The following PCDH15 variants were observed in gnomAD, a reference collection of about 807,000 sequenced individuals.
PCDH15 encodes protocadherin-15.
PCDH15 carries 129 observed loss-of-function variants against 178.5 expected under a neutral mutation model. The observed-to-expected ratio is 0.72, with a 90% CI of 0.63 to 0.84. The LOEUF (loss-of-function observed/expected upper bound fraction) is 0.84. Ranked by LOEUF, PCDH15 falls within the 40% of genes least tolerant of loss-of-function variation. The probability of loss-of-function intolerance (pLI) is 0.00; values close to 1 mark genes in which losing one functional copy is unlikely to be tolerated. For missense variants in PCDH15, 2,230 were observed against 2,099.9 expected (o/e 1.06, Z -1.21); for synonymous variants, 800 against 732.0 (o/e 1.09, Z -1.50).
chr10:53,945,837 G>GTATATATATATA (rs56389905), intron 23 of PCDH15, among the ~76,000 whole-genome samples: 17 of 119,432 alleles, frequency 1.4e-4, no homozygotes, highest in Non-Finnish European at 2.1e-4. Context: ...ATATTTCATT[G>GTATATATATATA]TATATATATA....
chr10:55,101,500 T>G (rs1163757334), intron 2 of PCDH15, among the ~76,000 whole-genome samples: 1 of 151,972 alleles, frequency 6.6e-6, no homozygotes, highest in African/African-American at 2.4e-5. Context: ...ATTCTCAGTC[T>G]GGGCTACAAA....
intron 3 of PCDH15, among the ~76,000 whole-genome samples, chr10:54,810,510 A>G (rs1437199535): frequency 2.0e-5 from 3 of 152,082 alleles, no homozygotes; most frequent in Admixed American, 6.5e-5. Flanking sequence ...ACAAATTGGG[A>G]AAAAAACACA....
chr10:54,793,815 A>G (rs946772238), intron 1 of PCDH15, among the ~76,000 whole-genome samples: 3 of 149,292 alleles, frequency 2.0e-5, no homozygotes, highest in African/African-American at 7.3e-5. Context: ...AAATAGCGTA[A>G]TAGGAAGAAA....
At chr10:54,909,332 G>A (rs1954779555) in intron 2 of PCDH15, among the ~76,000 whole-genome samples, 1 of 152,102 alleles carries the variant, frequency 6.6e-6, no homozygotes. Context: ...TTAATGCCAA[G>A]GGGTGCCTGC....
intron 3 of PCDH15, among the ~76,000 whole-genome samples, chr10:54,398,928 T>C (rs1175561983): frequency 6.6e-6 from 1 of 152,100 alleles, no homozygotes; most frequent in Non-Finnish European, 1.5e-5. Context: ...ATGGCCGACA[T>C]CAAACATATT....
chr10:54,675,854 T>C (rs2094778562), intron 1 of PCDH15, among the ~76,000 whole-genome samples: 1 of 152,290 alleles, frequency 6.6e-6, no homozygotes, highest in Non-Finnish European at 1.5e-5. Context: ...CAGATTAGCA[T>C]TGATGTTTTG....
intron 2 of PCDH15, among the ~76,000 whole-genome samples, chr10:55,077,371 T>A (rs1841922273): frequency 6.6e-6 from 1 of 151,742 alleles, no homozygotes; most frequent in South Asian, 2.1e-4. Flanking sequence ...TCTTATTTTT[T>A]TGTCCCTATG....
chr10:54,408,465 A>T (rs768796091), intron 3 of PCDH15, among the ~76,000 whole-genome samples: 41 of 148,302 alleles, frequency 2.8e-4, no homozygotes, highest in African/African-American at 9.9e-4. Flanking sequence ...ATCAGTCCAA[A>T]GTGATTTGAA....
intron 26 of PCDH15, among the ~76,000 whole-genome samples, chr10:53,884,907 A>T (rs573698160): frequency 3.3e-5 from 5 of 151,354 alleles, no homozygotes; most frequent in Admixed American, 6.5e-5. Context: ...CCTAATTTTC[A>T]TGATGATTAC....
At chr10:54,409,531 T>C (rs1953173938) in intron 3 of PCDH15, among the ~76,000 whole-genome samples, 1 of 152,076 alleles carries the variant, frequency 6.6e-6, no homozygotes, top group Non-Finnish European at 1.5e-5. Flanking sequence ...AAGCTACAGG[T>C]AGCTGGTCTT....
chr10:54,048,968 C>T (rs2093711177), intron 18 of PCDH15, among the ~76,000 whole-genome samples: 1 of 151,724 alleles, frequency 6.6e-6, no homozygotes, highest in Admixed American at 6.6e-5. Context: ...GCAGTATGGT[C>T]ATTTTAATGA....
chr10:55,439,036 C>T (rs1839115932), intron 2 of PCDH15, among the ~76,000 whole-genome samples: 1 of 151,902 alleles, frequency 6.6e-6, no homozygotes, highest in Admixed American at 6.6e-5. Flanking sequence ...GTAACTAGGA[C>T]TACAGGCGCC....
chr10:55,616,763 A>G (rs1383797864), intron 2 of PCDH15, among the ~76,000 whole-genome samples: 1 of 152,114 alleles, frequency 6.6e-6, no homozygotes, highest in African/African-American at 2.4e-5. Flanking sequence ...AGGTAAGAAC[A>G]CTGAATATTA....
chr10:54,294,650 T>G (rs951938385), intron 8 of PCDH15, among the ~76,000 whole-genome samples: 2 of 151,834 alleles, frequency 1.3e-5, no homozygotes, highest in Admixed American at 6.6e-5. Context: ...AATTGAAAGG[T>G]GTCCACCTGA....
At chr10:54,355,904 A>C (rs764857547) in intron 5 of PCDH15, among the ~76,000 whole-genome samples, 1 of 152,084 alleles carries the variant, frequency 6.6e-6, no homozygotes, top group Non-Finnish European at 1.5e-5. Context: ...CTCAAGGAGC[A>C]AAGAGAAGAA....
intron 3 of PCDH15, among the ~76,000 whole-genome samples, chr10:54,408,331 G>C (rs17728345): frequency 0.42 from 63,392 of 151,568 alleles, 14,142 homozygotes; most frequent in Middle Eastern, 0.5. Context: ...AAATATATGG[G>C]GATAAATGTA....
At chr10:54,646,073 T>G (rs2094124072) in intron 2 of PCDH15, among the ~76,000 whole-genome samples, 1 of 152,142 alleles carries the variant, frequency 6.6e-6, no homozygotes, top group Non-Finnish European at 1.5e-5. Context: ...ACTACATGTT[T>G]TATCGCATGT....
At chr10:55,192,486 G>A (rs1057187915) in intron 1 of PCDH15, among the ~76,000 whole-genome samples, 6 of 151,594 alleles carry the variant, frequency 4.0e-5, no homozygotes, top group African/African-American at 1.5e-4. Flanking sequence ...TATTTTCTGG[G>A]TCACTTCTTT....
chr10:54,034,629 A>AAAT (rs1300999153), intron 18 of PCDH15, among the ~76,000 whole-genome samples: 1 of 63,824 alleles, frequency 1.6e-5, no homozygotes, highest in Non-Finnish European at 4.7e-5. Context: ...CTGCATTCAA[A>AAAT]GAGCTAAGAT....
Sources: allele counts gnomAD v4.1 joint callset (sites outside exome capture counted in the v4.1 genomes callset), GRCh38; gene constraint gnomAD v4.1.1; transcripts MANE v1.5; gene names NCBI Gene and HGNC (gene_info 2026-07-23, HGNC 2026-07-21).